DNAH2: variants seen among roughly 807,000 people sequenced by gnomAD.
The protein encoded by DNAH2 is axonemal beta dynein heavy chain 2.
DNAH2 carries 323 observed loss-of-function variants against 523.5 expected under a neutral mutation model. The ratio of observed to expected loss-of-function variants is 0.62; its 90% confidence interval spans 0.56 to 0.68. The LOEUF (loss-of-function observed/expected upper bound fraction) is 0.68. Ranked by LOEUF, DNAH2 falls within the 30% of genes least tolerant of loss-of-function variation. The pLI, the probability that DNAH2 is intolerant of heterozygous loss-of-function variation, is 0.00. For synonymous variants in DNAH2, 2,093 were observed against 2,177.4 expected, an observed-to-expected ratio of 0.96 and a Z score of 1.08; for missense variants, 4,907 against 5,701.5, an observed-to-expected ratio of 0.86 and a Z score of 4.49.
chr17:7,782,997 G>C (rs2076641617), intron 39 of DNAH2, among the ~76,000 whole-genome samples: 1 of 152,236 alleles, frequency 6.6e-6, no homozygotes, highest in Non-Finnish European at 1.5e-5. Flanking sequence ...ACAGGATGAT[G>C]GTGGTGCACT....
chr17:7,721,793 G>A (rs550551749), intron 2 of DNAH2, among the ~76,000 whole-genome samples: 3 of 152,166 alleles, frequency 2.0e-5, no homozygotes, highest in Admixed American at 6.6e-5. Context: ...AAACAGAGCC[G>A]CTGGGTTTTA....
At chr17:7,723,174 A>G (rs34391340) in intron 2 of DNAH2, among the ~76,000 whole-genome samples, 121,841 of 148,584 alleles carry the variant, frequency 0.82, 50,486 homozygotes, top group East Asian at 1. Flanking sequence ...GTTTCACCGT[A>G]TTAGTCAGGA....
chr17:7,746,727 C>T (rs143405376), intron 12 of DNAH2, among the ~76,000 whole-genome samples: 222 of 152,272 alleles, frequency 1.5e-3, no homozygotes, highest in African/African-American at 5.0e-3. Flanking sequence ...TGGCTCATGC[C>T]TGTAATCCTA....
chr17:7,798,210 G>A lies in DNAH2; in HGVS notation c.8284G>A (p.Gly2762Ser), dbSNP rs752067024. The A allele has an allele frequency of 2.5e-6, 4 of 1,612,920 alleles. No homozygotes were observed. Among genetic ancestry groups the A allele is most frequent in the Non-Finnish European group, 3.4e-6 (4 of 1,179,126 alleles). Residue 2762 changes from glycine (G) to serine (S), a missense_variant, in exon 54 of 86, where the codon GGT (glycine) becomes AGT (serine). Around this residue, in one of 3 missense-constraint regions of DNAH2, gnomAD observed 1,851 missense variants for 2,139.4 expected, o/e 0.87. Coordinates refer to ENST00000572933, the MANE Select transcript of DNAH2 (RefSeq NM_020877.5). This position sits in a 1 kb window ranked among gnomAD's most constrained non-coding sequence, Gnocchi z 5.5. ...GCCTCGGGGCAACATGCTCCTGGTG[G>A]GTATCGGGGGCAGCGGACGCCAGAG... ...GQPRGNMLLV[G>S]IGGSGRQSLA... is the part of the protein sequence containing the mutation.
At position 7,817,564 on chromosome 17, in the gene DNAH2, TG is replaced by T. The variant is rs1235517874; in HGVS notation, c.10027del (p.Glu3343SerfsTer51). 6.2e-7 allele frequency: 1 copy of T among 1,614,134 alleles called. No individual in the cohort carries two copies. Among genetic ancestry groups the T allele is most frequent in the South Asian group, 1.1e-5 (1 of 91,084 alleles). ...IVNQIWIGKI[W>X]ELQVPCSPSF... ...CATGGGGCTTTTCTCTCCCCAGATCTGGGAGCTTCAGGTTCCTTGCTCCCCT... is the reference window on the plus strand; with the variant it reads ...CATGGGGCTTTTCTCTCCCCAGATCTGGAGCTTCAGGTTCCTTGCTCCCCT... On this transcript the variant is annotated frameshift_variant, in exon 66 of 86. Transcript: ENST00000572933. LOFTEE classifies it high-confidence loss of function.
chr17:7,727,420 C>T (rs1346348854), intron 4 of DNAH2, 128 bp downstream of exon 4: 4 of 1,260,620 alleles, frequency 3.2e-6, no homozygotes, highest in South Asian at 1.6e-5. Flanking sequence ...GTGTCAGGCA[C>T]CCTACTTGGT....
At position 7,765,785 on chromosome 17, in the gene DNAH2, C is replaced by A. The variant is rs181581581; in HGVS notation, c.3511+220C>A. 2.3e-3 allele frequency among the ~76,000 whole-genome samples: 338 copies of A among 145,976 alleles called. 1 individual carries two copies. The highest frequency in any genetic ancestry group is 8.2e-3 in the African/African-American group (327 of 39,948). On this transcript the variant is annotated intron_variant, in intron 21 of 85. Coordinates refer to ENST00000572933, the MANE Select transcript of DNAH2 (RefSeq NM_020877.5). Reference sequence around the variant, plus strand: ...CACAGCATTTCTACTTTTCTTTTTTCTTTTTTTTTTTGAGATGGAATCTCG... The same window carrying A: ...CACAGCATTTCTACTTTTCTTTTTTATTTTTTTTTTTGAGATGGAATCTCG...
At chr17:7,770,957 T>C in intron 27 of DNAH2, 24 bp downstream of exon 27, 4 of 1,607,718 alleles carry the variant, frequency 2.5e-6, no homozygotes, top group Non-Finnish European at 3.4e-6. Flanking sequence ...GCCTGAGCTC[T>C]TCCTGCTTCC....
At chr17:7,722,188 G>T (rs1414097634) in intron 2 of DNAH2, among the ~76,000 whole-genome samples, 6 of 5,858 alleles carry the variant, frequency 1.0e-3, no homozygotes, top group South Asian at 0.011. Context: ...TTATAGAGAC[G>T]GGGGGGGGGG....
chr17:7,771,041 C>G (rs1597604264), intron 27 of DNAH2, 108 bp downstream of exon 27: 1 of 1,234,524 alleles, frequency 8.1e-7, no homozygotes, highest in East Asian at 2.4e-5. Flanking sequence ...CCTTTAAAGT[C>G]ACTCTTCATC....
chr17:7,721,040 ACT>A (rs1200971921), intron 2 of DNAH2, among the ~76,000 whole-genome samples: 1 of 120,306 alleles, frequency 8.3e-6, no homozygotes, highest in Non-Finnish European at 1.6e-5. Flanking sequence ...ACAAATTCTC[ACT>A]CTGTCTCCCA....
At chr17:7,793,968 T>G (rs558790710) in intron 48 of DNAH2, among the ~76,000 whole-genome samples, 2,763 of 152,258 alleles carry the variant, frequency 0.018, 85 homozygotes, top group African/African-American at 0.06. Context: ...ACACAAATGT[T>G]TTTTTACTTA....
At chr17:7,820,735 T>C (rs554491957) in intron 72 of DNAH2, among the ~76,000 whole-genome samples, 2 of 152,282 alleles carry the variant, frequency 1.3e-5, no homozygotes, top group South Asian at 4.1e-4. Context: ...TTAATGGAAC[T>C]GAATGACTAA....
At position 7,786,750 on chromosome 17, in the gene DNAH2, CTG is replaced by C. The variant is rs1491361037; in HGVS notation, c.6466+64_6466+65del. On this transcript the variant is annotated intron_variant, in intron 41 of 85. Coordinates refer to ENST00000572933, the MANE Select transcript of DNAH2 (RefSeq NM_020877.5). The surrounding 1 kb of genome is among the most constrained non-coding windows in gnomAD (Gnocchi z 7.5). ...TGAGTCTCCTAAGGGGGCAGGGAGTCTGGGGATAGGAAGTTCCAAGTTGGGAG... is the reference window on the plus strand; with the variant it reads ...TGAGTCTCCTAAGGGGGCAGGGAGTCGGGATAGGAAGTTCCAAGTTGGGAG... The C allele has an allele frequency of 6.3e-7, 1 of 1,599,904 alleles. No individual in the cohort carries two copies. Among genetic ancestry groups the C allele is most frequent in the Non-Finnish European group, 8.6e-7 (1 of 1,169,248 alleles).
rs961142456 is a variant in DNAH2, at chr17:7,775,311, T to A, written c.4790T>A (p.Leu1597His). 6.2e-6 allele frequency: 10 copies of A among 1,612,984 alleles called. No homozygotes were observed. The highest frequency in any genetic ancestry group is 8.5e-6 in the Non-Finnish European group (10 of 1,179,616). Residue 1597 changes from leucine (L) to histidine (H), a missense_variant, in exon 30 of 86, where the codon CTC becomes CAC. Around this residue, in one of 3 missense-constraint regions of DNAH2, gnomAD observed 2,806 missense variants for 3,190.8 expected, o/e 0.88. Coordinates refer to ENST00000572933, the MANE Select transcript of DNAH2 (RefSeq NM_020877.5). ...GGCGACGGCGAGTACATTGACTTCCTCCACTCAGTATTTTTAGAAGGCCCT... is the reference window on the plus strand; with the variant it reads ...GGCGACGGCGAGTACATTGACTTCCACCACTCAGTATTTTTAGAAGGCCCT... ...FSGDGEYIDF[L>H]HSVFLEGPVE...
chr17:7,807,429 G>A lies in DNAH2; in HGVS notation c.9613-41G>A. On this transcript the variant is annotated intron_variant, in intron 62 of 85. Transcript: ENST00000572933. This position sits in a 1 kb window ranked among gnomAD's most constrained non-coding sequence, Gnocchi z 5.6. The stretch of plus-strand genomic sequence containing the variant: ...ATGCCTGGAGGTGAGGGGGTTGGTG[G>A]GTTGGTGGGCGACTCCCACAGCCTG... 4 of 1,609,898 alleles carry A rather than the reference G, an allele frequency of 2.5e-6. No homozygotes were observed. The highest frequency in any genetic ancestry group is 3.4e-6 in the Non-Finnish European group (4 of 1,178,578).
chr17:7,776,693 G>T, intron 31 of DNAH2, 86 bp from the exon 32 acceptor site: 1 of 1,069,450 alleles, frequency 9.4e-7, no homozygotes, highest in South Asian at 1.3e-5. Context: ...GAGGCACATG[G>T]TTCTTGAATT....
Position 7,737,130 on chromosome 17 carries a change from G to A in DNAH2, c.1042G>A (p.Glu348Lys). Residue 348 changes from glutamate (E) to lysine (K), a missense_variant, in exon 8 of 86, where the codon GAG (glutamate) becomes AAG (lysine). Around this residue, in one of 3 missense-constraint regions of DNAH2, gnomAD observed 2,806 missense variants for 3,190.8 expected, o/e 0.88. Transcript: ENST00000572933. ...GTCAATCCTGAAGGAACCTTACCAG[G>A]AGTTGGCTTTCATGAAGCCCAAGGA... The part of the protein sequence containing the change: ...FLSILKEPYQ[E>K]LAFMKPKDIS... The A allele has an allele frequency of 6.2e-7, 1 of 1,614,144 alleles. No individual in the cohort carries two copies. Among genetic ancestry groups the A allele is most frequent in the Non-Finnish European group, 8.5e-7 (1 of 1,180,024 alleles).
intron 39 of DNAH2, among the ~76,000 whole-genome samples, chr17:7,781,786 C>G (rs1053432755): frequency 6.6e-6 from 1 of 152,194 alleles, no homozygotes; most frequent in African/African-American, 2.4e-5. Flanking sequence ...TTCTCCGTGC[C>G]CATCAGTCCT....
Sources: gnomAD v4.1 joint callset for allele counts (sites outside exome capture counted in the v4.1 genomes callset) on GRCh38, gnomAD v4.1.1 for gene constraint, gnomAD v4.1.1 regional missense constraint, Gnocchi (gnomAD v3.1) non-coding constraint, MANE v1.5 for transcripts, NCBI Gene and HGNC (gene_info 2026-07-23, HGNC 2026-07-21) for gene names.